RNFT2: variants seen among roughly 807,000 people sequenced by gnomAD.
The protein encoded by RNFT2 is E3 ubiquitin-protein ligase RNFT2.
A neutral mutation model predicts 53.0 loss-of-function variants in RNFT2; 36 were observed. The observed-to-expected ratio is 0.68, with a 90% CI of 0.52 to 0.90. The LOEUF is 0.90. RNFT2 is among the 40% of genes least tolerant of loss of function. The probability of loss-of-function intolerance (pLI) is 0.00; values close to 1 mark genes in which losing one functional copy is unlikely to be tolerated. For synonymous variants in RNFT2, 260 were observed against 253.2 expected (o/e 1.03, Z -0.26); for missense variants, 514 against 585.6 (o/e 0.88, Z 1.26).
chr12:116,750,964 G>A (rs1231829198), intron 4 of RNFT2, among the ~76,000 whole-genome samples: 7 of 146,478 alleles, frequency 4.8e-5, no homozygotes, highest in Non-Finnish European at 1.0e-4. Context: ...CAGTGGTGCA[G>A]GTCTCAGCTC....
Position 116,849,826 on chromosome 12 carries a change from C to T in RNFT2, c.*378C>T, listed in dbSNP as rs117584086. ...TCTCTCTCTCTGTTTCCCTCCCTCC[C>T]TCCTTCCTTCCTTCCTTCCTTTTTT... On this transcript the variant is annotated 3_prime_UTR_variant, in exon 11 of 11. Coordinates refer to ENST00000257575, the MANE Select transcript of RNFT2 (RefSeq NM_001382266.1). The T allele has an allele frequency of 0.016, 2,399 of 151,012 alleles. 61 individuals carry two copies. The highest frequency in any genetic ancestry group is 0.026 in the Admixed American group (164 of 6,246). The allele number at this position is 151,012 out of a possible 1,614,324, so 9.4% of individuals were successfully genotyped here.
intron 10 of RNFT2, among the ~76,000 whole-genome samples, chr12:116,837,704 G>A (rs1263305205): frequency 1.3e-5 from 2 of 152,206 alleles, no homozygotes; most frequent in South Asian, 4.1e-4. Context: ...ACAGAGAAGG[G>A]ACATTAGTAG....
intron 7 of RNFT2, among the ~76,000 whole-genome samples, chr12:116,789,132 G>A (rs1192169311): frequency 6.6e-6 from 1 of 150,814 alleles, no homozygotes; most frequent in Non-Finnish European, 1.5e-5. Flanking sequence ...ATGGGTGGAT[G>A]GGTAAATGAG....
intron 10 of RNFT2, among the ~76,000 whole-genome samples, chr12:116,841,834 AATATATATAT>A (rs1235996836): frequency 1.3e-4 from 4 of 30,142 alleles, no homozygotes; most frequent in African/African-American, 5.9e-4. Flanking sequence ...TATATATATA[AATATATATAT>A]AAATATATAT....
chr12:116,762,580 A>ATTTTT (rs112850108), intron 5 of RNFT2, among the ~76,000 whole-genome samples: 5 of 137,784 alleles, frequency 3.6e-5, no homozygotes, highest in Admixed American at 2.9e-4. Context: ...TTCTCTACCA[A>ATTTTT]TTTTTTTTTT....
chr12:116,822,596 TCAC>T lies in RNFT2; in HGVS notation c.883-11189_883-11187del, dbSNP rs375817450. Among the ~76,000 whole-genome samples the T allele has an allele frequency of 1.6e-3, 237 of 152,290 alleles. 1 individual carries two copies. The highest frequency in any genetic ancestry group is 5.1e-3 in the African/African-American group (213 of 41,556). ...AACAGCTAAGTCACCATCATCATCA[TCAC>T]CACCACTACTACCACCTGCAGTGAG... On this transcript the variant is annotated intron_variant, in intron 7 of 10. Transcript: ENST00000257575.
intron 10 of RNFT2, among the ~76,000 whole-genome samples, chr12:116,842,837 G>A (rs1184963398): frequency 6.6e-6 from 1 of 152,142 alleles, no homozygotes; most frequent in Non-Finnish European, 1.5e-5. Context: ...GCTTCCCAAA[G>A]TTTTGGAATT....
At chr12:116,807,851 C>T (rs1317600266) in intron 7 of RNFT2, among the ~76,000 whole-genome samples, 6 of 151,264 alleles carry the variant, frequency 4.0e-5, no homozygotes, top group Admixed American at 3.3e-4. Flanking sequence ...TCACCCAAAC[C>T]GGTGTGCTTT....
At chr12:116,842,214 A>G (rs1877383631) in intron 10 of RNFT2, among the ~76,000 whole-genome samples, 1 of 151,782 alleles carries the variant, frequency 6.6e-6, no homozygotes, top group African/African-American at 2.4e-5. Context: ...GAGTTCTGGA[A>G]GTCACAGTCT....
intron 7 of RNFT2, among the ~76,000 whole-genome samples, chr12:116,784,260 C>T (rs1267505832): frequency 6.6e-6 from 1 of 152,244 alleles, no homozygotes; most frequent in Non-Finnish European, 1.5e-5. Context: ...CCCTGGCTCT[C>T]ACTGCAGCTC....
Position 116,849,828 on chromosome 12 carries a change from C to CCTTA in RNFT2, c.*383_*384insACTT. 6.9e-6 allele frequency: 1 copy of CCTTA among 144,950 alleles called. No individual in the cohort carries two copies. The highest frequency in any genetic ancestry group is 8.9e-6 in the Non-Finnish European group (1 of 111,738). 9.0% of individuals were successfully genotyped at this position (144,950 alleles called of 1,614,324 possible). A position where few individuals can be genotyped will look rare whatever the true frequency, so the allele number is the denominator to read the frequency against. The stretch of plus-strand genomic sequence containing the variant: ...TCTCTCTCTGTTTCCCTCCCTCCCT[C>CCTTA]CTTCCTTCCTTCCTTCCTTTTTTTT... On this transcript the variant is annotated 3_prime_UTR_variant, in exon 11 of 11. Transcript: ENST00000257575.
chr12:116,750,860 TATATATA>T (rs1872191832), intron 4 of RNFT2, among the ~76,000 whole-genome samples: 4 of 2,072 alleles, frequency 1.9e-3, no homozygotes, highest in Non-Finnish European at 2.4e-3. Context: ...TAATATATAT[TATATATA>T]TATAATATAT....
At position 116,841,214 on chromosome 12, in the gene RNFT2, G is replaced by A. The variant is rs1877231638; in HGVS notation, c.1200+4932G>A. On this transcript the variant is annotated intron_variant, in intron 10 of 10. Coordinates refer to ENST00000257575, the MANE Select transcript of RNFT2 (RefSeq NM_001382266.1). ...TGCCTATAATCCCAACACTTTGGGA[G>A]GCCAAGGTGGGCAGATTGCTTGAGG... is the stretch of plus-strand genomic sequence containing the variant. Among the ~76,000 whole-genome samples, 3 of 152,304 alleles carry A rather than the reference G, an allele frequency of 2.0e-5. No individual in the cohort carries two copies. In the South Asian group the frequency reaches 6.2e-4, roughly 32 times the overall value.
Position 116,832,145 on chromosome 12 carries a change from AAAAATAT to A in RNFT2, c.883-1645_883-1639del, listed in dbSNP as rs1443010366. ...GACCTTGTCTCAAAAAAAAAAAAAA[AAAAATAT>A]ATATATATATATATATATCTTTCTA... On this transcript the variant is annotated intron_variant, in intron 7 of 10. Coordinates refer to ENST00000257575, the MANE Select transcript of RNFT2 (RefSeq NM_001382266.1). 3.5e-3 allele frequency among the ~76,000 whole-genome samples: 269 copies of A among 77,838 alleles called. 3 individuals carry two copies. Among genetic ancestry groups the A allele is most frequent in the African/African-American group, 9.0e-3 (225 of 25,118 alleles). The allele number at this position is 77,838 out of a possible 152,430, so 51.1% of individuals were successfully genotyped here.
intron 3 of RNFT2, among the ~76,000 whole-genome samples, chr12:116,747,468 G>A (rs903145634): frequency 2.0e-5 from 3 of 152,014 alleles, no homozygotes; most frequent in Non-Finnish European, 4.4e-5. Flanking sequence ...GGAGTTTGAG[G>A]CTCTAGGGAG....
rs191831071 is a variant in RNFT2 at position 116,760,129 on chromosome 12, G to A, written c.627+6069G>A. 2.0e-3 allele frequency among the ~76,000 whole-genome samples: 307 copies of A among 152,208 alleles called. 3 individuals are homozygous for A. The highest frequency in any genetic ancestry group is 7.0e-3 in the African/African-American group (291 of 41,524). Reference sequence around the variant, plus strand: ...TCATGCAGGTTGTCAGGGAAGTGGGGGAAAGCTGGCAGTCACAGGCCTCAC... The same window carrying A: ...TCATGCAGGTTGTCAGGGAAGTGGGAGAAAGCTGGCAGTCACAGGCCTCAC... On this transcript the variant is annotated intron_variant, in intron 5 of 10. Transcript: ENST00000257575.
At chr12:116,806,404 A>G (rs1875078927) in intron 7 of RNFT2, among the ~76,000 whole-genome samples, 1 of 150,022 alleles carries the variant, frequency 6.7e-6, no homozygotes, top group African/African-American at 2.5e-5. Flanking sequence ...ATATATAGAT[A>G]GATAGATAGA....
At chr12:116,831,104 A>T (rs1050989327) in intron 7 of RNFT2, among the ~76,000 whole-genome samples, 10 of 151,734 alleles carry the variant, frequency 6.6e-5, no homozygotes, top group Admixed American at 5.9e-4. Flanking sequence ...TCATGCCTAT[A>T]ATCCCAGCAC....
chr12:116,849,992 C>CACCA lies in RNFT2; in HGVS notation c.*547_*550dup, dbSNP rs984134734. On this transcript the variant is annotated 3_prime_UTR_variant, in exon 11 of 11. Transcript: ENST00000257575. ...CCGAGTAGCTGGGATTACAGGCACC[C>CACCA]ACCAACACACTTGGCTAATTTTTGT... 6.7e-6 allele frequency: 1 copy of CACCA among 148,890 alleles called. No homozygotes were observed. The highest frequency in any genetic ancestry group is 2.5e-5 in the African/African-American group (1 of 40,164). The allele number at this position is 148,890 out of a possible 1,614,324, so 9.2% of individuals were successfully genotyped here.
Sources: gnomAD v4.1 joint callset for allele counts (sites outside exome capture counted in the v4.1 genomes callset) on GRCh38, gnomAD v4.1.1 for gene constraint, MANE v1.5 for transcripts, NCBI Gene and HGNC (gene_info 2026-07-23, HGNC 2026-07-21) for gene names.